The following TRMT11 variants were observed in gnomAD, a reference collection of about 807,000 sequenced individuals.
TRMT11 encodes the protein tRNA methyltransferase 11.
In TRMT11, 53 loss-of-function variants were observed where a neutral mutation model predicts 62.8. That is an observed-to-expected ratio of 0.84 (90% CI 0.68 to 1.06). The LOEUF (loss-of-function observed/expected upper bound fraction) is 1.06. TRMT11 is among the 50% of genes least tolerant of loss of function. The probability of loss-of-function intolerance (pLI) is 0.00; values close to 1 mark genes in which losing one functional copy is unlikely to be tolerated. For missense variants in TRMT11, 556 were observed against 553.4 expected (o/e 1.00, Z -0.05); for synonymous variants, 188 against 190.3 (o/e 0.99, Z 0.10).
intron 17 of TRMT11, among the ~76,000 whole-genome samples, chr6:126,091,316 C>T (rs748508396): frequency 7.2e-5 from 11 of 152,080 alleles, no homozygotes; most frequent in African/African-American, 9.7e-5. Context: ...ATAAGCAGGC[C>T]GTAACCTACG....
At chr6:126,252,740 G>C in the TRMT11 span, among the ~76,000 whole-genome samples, 1 of 152,200 alleles carries the variant, frequency 6.6e-6, no homozygotes, top group African/African-American at 2.4e-5. Context: ...GACTGTTTTA[G>C]TGATGCATAA....
intron 21 of TRMT11, among the ~76,000 whole-genome samples, chr6:126,133,661 A>G (rs111743419): frequency 3.7e-4 from 57 of 152,088 alleles, no homozygotes; most frequent in African/African-American, 1.3e-3. Flanking sequence ...TGTATTTCTC[A>G]GGAAGATTGG....
chr6:126,261,765 G>T, the TRMT11 span, among the ~76,000 whole-genome samples: 6 of 152,184 alleles, frequency 3.9e-5, no homozygotes, highest in South Asian at 6.2e-4. Context: ...TGGTGTTGGT[G>T]TAGTTTTGCT....
chr6:126,209,056 A>G, the TRMT11 span, among the ~76,000 whole-genome samples: 1 of 152,370 alleles, frequency 6.6e-6, no homozygotes, highest in Non-Finnish European at 1.5e-5. Flanking sequence ...ACTAATGTTT[A>G]TGGCCTCTTG....
downstream of TRMT11, among the ~76,000 whole-genome samples, chr6:126,206,965 A>G (rs1778797129): frequency 1.3e-5 from 2 of 152,200 alleles, no homozygotes; most frequent in African/African-American, 4.8e-5. Flanking sequence ...TTGGCAGAAG[A>G]AGTTTGAAGT....
At chr6:126,102,810 C>G (rs1777416797) in intron 17 of TRMT11, among the ~76,000 whole-genome samples, 1 of 152,202 alleles carries the variant, frequency 6.6e-6, no homozygotes, top group Non-Finnish European at 1.5e-5. Flanking sequence ...CAGGTTCTTA[C>G]TGTGCTAAGC....
intron 7 of TRMT11, 78 bp downstream of exon 7, chr6:125,999,691 TAAA>T: frequency 7.6e-7 from 1 of 1,317,658 alleles, no homozygotes; most frequent in Non-Finnish European, 1.0e-6. Flanking sequence ...ATATTTTTGC[TAAA>T]AGAGTAAATG....
the TRMT11 span, among the ~76,000 whole-genome samples, chr6:126,249,904 G>A: frequency 0.02 from 3,048 of 152,090 alleles, 117 homozygotes; most frequent in African/African-American, 0.069. Flanking sequence ...TTTTAATCTC[G>A]AATCCTCTCA....
At chr6:126,172,271 T>C (rs967643135), upstream of TRMT11, among the ~76,000 whole-genome samples, 2 of 152,248 alleles carry the variant, frequency 1.3e-5, no homozygotes, top group Admixed American at 1.3e-4. Context: ...TGCTGAGGTG[T>C]CACATCGACA....
At position 125,996,149 on chromosome 6, in the gene TRMT11, T is replaced by A. The variant is rs764226318; in HGVS notation, c.212+109T>A. Reference sequence around the variant, plus strand: ...TGTGAAGGCTCAGTTTAGCTTGCAGTTACATACAACTGCCACTGGGTGGCG... The same window carrying A: ...TGTGAAGGCTCAGTTTAGCTTGCAGATACATACAACTGCCACTGGGTGGCG... On this transcript the variant is annotated intron_variant, in intron 3 of 12. Coordinates refer to ENST00000334379, the MANE Select transcript of TRMT11 (RefSeq NM_001031712.3). The A allele has an allele frequency of 4.9e-4, 327 of 672,908 alleles. 1 individual carries two copies. Among genetic ancestry groups the A allele is most frequent in the Non-Finnish European group, 7.2e-4 (291 of 403,622 alleles). 41.7% of individuals were successfully genotyped at this position (672,908 alleles called of 1,614,324 possible).
chr6:126,006,445 T>C (rs1296446688), intron 7 of TRMT11, among the ~76,000 whole-genome samples: 1 of 152,026 alleles, frequency 6.6e-6, no homozygotes, highest in African/African-American at 2.4e-5. Context: ...GCCTGTAAGA[T>C]ACTACCCTAA....
the TRMT11 span, among the ~76,000 whole-genome samples, chr6:126,242,470 T>A: frequency 3.2e-4 from 49 of 152,254 alleles, 1 homozygote; most frequent in African/African-American, 1.1e-3. Context: ...AAGCCCACAT[T>A]GCCAAGTCAA....
chr6:126,176,013 G>A (rs952391862), upstream of TRMT11, among the ~76,000 whole-genome samples: 15 of 152,052 alleles, frequency 9.9e-5, no homozygotes, highest in African/African-American at 3.6e-4. Context: ...ATTTAAAAAA[G>A]TTTTCAGTTT....
chr6:126,257,362 G>A, the TRMT11 span, among the ~76,000 whole-genome samples: 1 of 151,964 alleles, frequency 6.6e-6, no homozygotes, highest in Non-Finnish European at 1.5e-5. Context: ...CTTTGTCATT[G>A]TAAATGATCT....
intron 1 of TRMT11, among the ~76,000 whole-genome samples, chr6:126,191,211 A>G (rs1778594577): frequency 1.3e-5 from 2 of 151,982 alleles, no homozygotes; most frequent in Non-Finnish European, 1.5e-5. Context: ...GCACTTTTTC[A>G]TATACTTGTT....
intron 17 of TRMT11, among the ~76,000 whole-genome samples, chr6:126,105,665 T>C (rs899650970): frequency 1.3e-5 from 2 of 152,146 alleles, no homozygotes; most frequent in African/African-American, 4.8e-5. Flanking sequence ...TGCTTCTTTT[T>C]AAAGGGTAAT....
At chr6:126,132,133 A>T (rs1777792601) in intron 21 of TRMT11, among the ~76,000 whole-genome samples, 1 of 152,092 alleles carries the variant, frequency 6.6e-6, no homozygotes, top group Admixed American at 6.6e-5. Flanking sequence ...TTTCTATTTG[A>T]TACCCACAGT....
chr6:126,258,539 A>G, the TRMT11 span, among the ~76,000 whole-genome samples: 1 of 152,168 alleles, frequency 6.6e-6, no homozygotes, highest in Admixed American at 6.5e-5. Flanking sequence ...CTGACTTTTT[A>G]TTACAGAATC....
chr6:126,206,760 G>C (rs1197607967), downstream of TRMT11, among the ~76,000 whole-genome samples: 2 of 152,174 alleles, frequency 1.3e-5, no homozygotes, highest in African/African-American at 4.8e-5. Flanking sequence ...TTGTCAGTCA[G>C]AGAATATGTG....
Sources: gnomAD v4.1 joint callset for allele counts (sites outside exome capture counted in the v4.1 genomes callset) on GRCh38, gnomAD v4.1.1 for gene constraint, MANE v1.5 for transcripts, NCBI Gene and HGNC (gene_info 2026-07-23, HGNC 2026-07-21) for gene names.